CPEB3: variants seen among roughly 807,000 people sequenced by gnomAD.
CPEB3 encodes the protein cytoplasmic polyadenylation element binding protein 3, also known as cytoplasmic polyadenylation element-binding protein 3.
CPEB3 carries 20 observed loss-of-function variants against 67.2 expected under a neutral mutation model. The observed-to-expected ratio is 0.30, with a 90% CI of 0.21 to 0.43. CPEB3 has a LOEUF of 0.43. Ranked by LOEUF, CPEB3 falls within the 20% of genes least tolerant of loss-of-function variation. The pLI, the probability that CPEB3 is intolerant of heterozygous loss-of-function variation, is 1.00. For missense variants in CPEB3, 746 were observed against 968.6 expected (o/e 0.77, Z 3.05); for synonymous variants, 376 against 393.1 (o/e 0.96, Z 0.51).
intron 6 of CPEB3, among the ~76,000 whole-genome samples, chr10:92,115,404 AGCCTCCCACAGT>A (rs1844969418): frequency 6.6e-6 from 1 of 152,226 alleles, no homozygotes; most frequent in African/African-American, 2.4e-5. Context: ...CTTCAGCCTC[AGCCTCCCACAGT>A]GCTGGGATTA....
At chr10:92,179,833 G>A (rs923773548) in intron 4 of CPEB3, among the ~76,000 whole-genome samples, 3 of 152,164 alleles carry the variant, frequency 2.0e-5, no homozygotes, top group Admixed American at 2.0e-4. Context: ...ATATATTTTA[G>A]AGATAACCTA....
chr10:92,177,208 C>T (rs1848258475), intron 4 of CPEB3, among the ~76,000 whole-genome samples: 1 of 152,150 alleles, frequency 6.6e-6, no homozygotes, highest in Admixed American at 6.5e-5. Flanking sequence ...ATACATTATG[C>T]AAACGTCGAG....
rs371428687 is a variant in CPEB3, at chr10:92,193,329, T to C, written c.1006-693A>G. On this transcript the variant is annotated intron_variant, in intron 2 of 9. Transcript: ENST00000265997. ...GCAATGTAATTGCAGAGTGACTTTC[T>C]CGCAAAGGAACTAAAATAGTAAATT... Among the ~76,000 whole-genome samples, 4 of 152,288 alleles carry C rather than the reference T, an allele frequency of 2.6e-5. No individual in the cohort carries two copies. The South Asian group carries it at 6.2e-4, about 24-fold the overall frequency.
Position 92,239,180 on chromosome 10 carries a change from C to T in CPEB3, c.1005+166G>A, listed in dbSNP as rs1851685178. On this transcript the variant is annotated intron_variant, in intron 2 of 9. Transcript: ENST00000265997. This position sits in a 1 kb window ranked among gnomAD's most constrained non-coding sequence, Gnocchi z 6.0. ...ATCACAATGTTCTCCCAACCTCATC[C>T]TCTGATAATGGAACAGCCCTAAAGA... Among the ~76,000 whole-genome samples the T allele has an allele frequency of 6.6e-6, 1 of 152,182 alleles. No homozygotes were observed. The highest frequency in any genetic ancestry group is 1.5e-5 in the Non-Finnish European group (1 of 68,032).
chr10:92,285,642 C>A (rs547698834), intron 1 of CPEB3, among the ~76,000 whole-genome samples: 1 of 152,126 alleles, frequency 6.6e-6, no homozygotes, highest in South Asian at 2.1e-4. Flanking sequence ...TCATATTTTC[C>A]GCTTACATAA....
At chr10:92,254,370 T>C (rs1414952788) in intron 1 of CPEB3, among the ~76,000 whole-genome samples, 1 of 152,188 alleles carries the variant, frequency 6.6e-6, no homozygotes, top group Non-Finnish European at 1.5e-5. Context: ...GCAATTTACA[T>C]GCAGGAAGTC....
intron 9 of CPEB3, among the ~76,000 whole-genome samples, chr10:92,074,340 C>T (rs921499120): frequency 1.3e-5 from 2 of 152,138 alleles, no homozygotes; most frequent in African/African-American, 2.4e-5. Flanking sequence ...AGGTGTCAGG[C>T]ATTGTGTATA....
At chr10:92,284,108 G>C (rs1295607680) in intron 1 of CPEB3, among the ~76,000 whole-genome samples, 1 of 147,004 alleles carries the variant, frequency 6.8e-6, no homozygotes, top group East Asian at 2.0e-4. Flanking sequence ...GTGCAATCTC[G>C]GCTCACTGCA....
intron 9 of CPEB3, among the ~76,000 whole-genome samples, chr10:92,073,695 G>A (rs1039255770): frequency 6.6e-6 from 1 of 151,886 alleles, no homozygotes; most frequent in South Asian, 2.1e-4. Flanking sequence ...CTGAACTCCT[G>A]GCCTCAAGCT....
chr10:92,156,564 A>G (rs539561712), intron 4 of CPEB3, among the ~76,000 whole-genome samples: 10 of 152,312 alleles, frequency 6.6e-5, no homozygotes, highest in African/African-American at 2.4e-4. Flanking sequence ...CCTGCTGTCT[A>G]TTCTCCAGAT....
intron 2 of CPEB3, among the ~76,000 whole-genome samples, chr10:92,214,577 G>C (rs1850251924): frequency 6.6e-6 from 1 of 152,060 alleles, no homozygotes; most frequent in African/African-American, 2.4e-5. Context: ...CCGCCTCCCA[G>C]GTTCAAGCGA....
At chr10:92,183,115 T>C (rs767027787) in intron 3 of CPEB3, among the ~76,000 whole-genome samples, 20 of 152,132 alleles carry the variant, frequency 1.3e-4, no homozygotes, top group East Asian at 3.8e-4. Context: ...ATTTGTAATA[T>C]AGTAAAATTA....
chr10:92,208,137 T>C (rs1426178708), intron 2 of CPEB3, among the ~76,000 whole-genome samples: 1 of 152,224 alleles, frequency 6.6e-6, no homozygotes, highest in Non-Finnish European at 1.5e-5. Context: ...ATTCTATAAA[T>C]AAATGGTAAT....
At chr10:92,236,919 AAG>A (rs1851565861) in intron 2 of CPEB3, among the ~76,000 whole-genome samples, 1 of 152,240 alleles carries the variant, frequency 6.6e-6, no homozygotes. Flanking sequence ...TCACTGCAGA[AAG>A]ACTCTTTTAT....
chr10:92,158,639 T>C (rs1461516031), intron 4 of CPEB3, among the ~76,000 whole-genome samples: 2 of 152,214 alleles, frequency 1.3e-5, no homozygotes, highest in Non-Finnish European at 2.9e-5. Flanking sequence ...CTTCTCTTAC[T>C]CTCTCCATTT....
At chr10:92,132,077 C>G (rs1266192779) in intron 6 of CPEB3, among the ~76,000 whole-genome samples, 3 of 152,198 alleles carry the variant, frequency 2.0e-5, no homozygotes, top group East Asian at 1.9e-4. Flanking sequence ...ACATTTAAAA[C>G]AAAACTAAGC....
At chr10:92,088,513 G>A (rs1334831843) in intron 8 of CPEB3, among the ~76,000 whole-genome samples, 3 of 151,902 alleles carry the variant, frequency 2.0e-5, no homozygotes, top group Non-Finnish European at 4.4e-5. Flanking sequence ...CTTAAAATAG[G>A]TTGCCTTTTT....
intron 1 of CPEB3, among the ~76,000 whole-genome samples, chr10:92,271,253 A>G (rs933814778): frequency 6.6e-6 from 1 of 152,244 alleles, no homozygotes; most frequent in African/African-American, 2.4e-5. Flanking sequence ...TCAAAAACAT[A>G]TTACTCTACA....
chr10:92,154,064 A>G (rs776871174), intron 4 of CPEB3, among the ~76,000 whole-genome samples: 5 of 152,262 alleles, frequency 3.3e-5, no homozygotes, highest in African/African-American at 4.8e-5. Flanking sequence ...CTTATGGACA[A>G]TAGTTTCATG....
Sources: allele counts gnomAD v4.1 joint callset (sites outside exome capture counted in the v4.1 genomes callset), GRCh38; gene constraint gnomAD v4.1.1; non-coding constraint Gnocchi (gnomAD v3.1); transcripts MANE v1.5; gene names NCBI Gene and HGNC (gene_info 2026-07-23, HGNC 2026-07-21).